The following UBE2E2 variants were observed in gnomAD, a reference collection of about 807,000 sequenced individuals.
UBE2E2 encodes the protein ubiquitin-conjugating enzyme E2 E2.
UBE2E2 carries 6 observed loss-of-function variants against 24.7 expected under a neutral mutation model. The ratio of observed to expected loss-of-function variants is 0.24; its 90% CI spans 0.13 to 0.48. The LOEUF (loss-of-function observed/expected upper bound fraction) is 0.48. Ranked by LOEUF, UBE2E2 falls within the 20% of genes least tolerant of loss-of-function variation. The probability of loss-of-function intolerance (pLI) is 0.99; values close to 1 mark genes in which losing one functional copy is unlikely to be tolerated. For missense variants in UBE2E2, 169 were observed against 245.0 expected, an observed-to-expected ratio of 0.69 and a Z score of 2.07; for synonymous variants, 104 against 83.6, an observed-to-expected ratio of 1.24 and a Z score of -1.33.
chr3:23,455,185 A>G (rs1698651701), intron 3 of UBE2E2, among the ~76,000 whole-genome samples: 1 of 152,236 alleles, frequency 6.6e-6, no homozygotes, highest in Admixed American at 6.5e-5. Flanking sequence ...AAGCAGCTTG[A>G]CTACCTGTCA....
intron 3 of UBE2E2, among the ~76,000 whole-genome samples, chr3:23,464,738 A>G (rs1311169584): frequency 1.3e-5 from 2 of 152,220 alleles, no homozygotes; most frequent in African/African-American, 4.8e-5. Flanking sequence ...GGGATAATTA[A>G]ATAACCTTTC....
intron 4 of UBE2E2, among the ~76,000 whole-genome samples, chr3:23,507,696 A>G (rs1694488653): frequency 6.6e-6 from 1 of 152,202 alleles, no homozygotes; most frequent in Non-Finnish European, 1.5e-5. Flanking sequence ...ATATCCCTGG[A>G]AGAAGGAATA....
At chr3:23,416,295 C>T (rs1207540159) in intron 3 of UBE2E2, among the ~76,000 whole-genome samples, 1 of 152,140 alleles carries the variant, frequency 6.6e-6, no homozygotes, top group African/African-American at 2.4e-5. Context: ...GATTTTATTT[C>T]TCCTTTGCTT....
At position 23,507,881 on chromosome 3, in the gene UBE2E2, C is replaced by T. The variant is rs112370216; in HGVS notation, c.360+8141C>T. Among the ~76,000 whole-genome samples the T allele has an allele frequency of 3.9e-5, 6 of 152,296 alleles. No homozygotes were observed. The East Asian group carries it at 9.6e-4, about 24-fold the overall frequency. On this transcript the variant is annotated intron_variant, in intron 4 of 5. Coordinates refer to ENST00000396703, the MANE Select transcript of UBE2E2 (RefSeq NM_152653.4). ...TCTGTTTTGCCAGGAATCCTCTTTC[C>T]GAAGACACTGGGGGCTTTTCTTCAA...
At chr3:23,217,166 C>A in intron 2 of UBE2E2, 96 bp from the exon 3 acceptor site, 1 of 1,174,556 alleles carries the variant, frequency 8.5e-7, no homozygotes, top group Non-Finnish European at 1.2e-6. Context: ...ACTAATATAC[C>A]AAAGGGAAAT....
intron 3 of UBE2E2, among the ~76,000 whole-genome samples, chr3:23,476,586 T>C (rs967249178): frequency 2.6e-5 from 4 of 152,052 alleles, no homozygotes; most frequent in Admixed American, 6.5e-5. Context: ...TCCCAGCTAT[T>C]CAAGAGGCTG....
intron 4 of UBE2E2, among the ~76,000 whole-genome samples, chr3:23,532,168 C>T (rs1695138384): frequency 6.6e-6 from 1 of 151,902 alleles, no homozygotes; most frequent in African/African-American, 2.4e-5. Context: ...GTACAAAATC[C>T]TTAAAATAAC....
At chr3:23,388,659 C>G (rs1696864082) in intron 3 of UBE2E2, among the ~76,000 whole-genome samples, 1 of 152,078 alleles carries the variant, frequency 6.6e-6, no homozygotes. Flanking sequence ...AGCTTCCATT[C>G]CATTTATTTA....
At chr3:23,254,317 G>T (rs1443248323) in intron 3 of UBE2E2, among the ~76,000 whole-genome samples, 1 of 152,198 alleles carries the variant, frequency 6.6e-6, no homozygotes, top group Non-Finnish European at 1.5e-5. Context: ...AAAGCATGGG[G>T]AAGAGGTAAT....
chr3:23,441,487 C>G (rs953116610), intron 3 of UBE2E2, among the ~76,000 whole-genome samples: 5 of 147,486 alleles, frequency 3.4e-5, no homozygotes, highest in African/African-American at 1.0e-4. Context: ...TGCAGTGAGC[C>G]GAGATCGCGC....
rs1699077932 is a variant in UBE2E2 at position 23,474,025 on chromosome 3, TAGA to T, written c.228-25580_228-25578del. Among the ~76,000 whole-genome samples, 2 of 152,080 alleles carry T rather than the reference TAGA, an allele frequency of 1.3e-5. 1 individual carries two copies. The highest frequency in any genetic ancestry group is 4.8e-5 in the African/African-American group (2 of 41,328). ...CCAGTTTACATTCCCACCAGCAGTG[TAGA>T]AGTATTCCCTTTTCACCGCATCTAT... On this transcript the variant is annotated intron_variant, in intron 3 of 5. Transcript: ENST00000396703. This position sits in a 1 kb window ranked among gnomAD's most constrained non-coding sequence, Gnocchi z 4.0.
intron 3 of UBE2E2, among the ~76,000 whole-genome samples, chr3:23,363,397 A>G (rs2125333457): frequency 6.6e-6 from 1 of 152,330 alleles, no homozygotes; most frequent in Admixed American, 6.5e-5. Context: ...TCCTCTCTAC[A>G]GGACTCATCT....
At chr3:23,355,660 T>G (rs1341429827) in intron 3 of UBE2E2, among the ~76,000 whole-genome samples, 1 of 152,202 alleles carries the variant, frequency 6.6e-6, no homozygotes, top group African/African-American at 2.4e-5. Flanking sequence ...GCTGACCAGT[T>G]TATACCTACT....
intron 3 of UBE2E2, among the ~76,000 whole-genome samples, chr3:23,333,267 A>G (rs1035461213): frequency 3.9e-5 from 6 of 152,114 alleles, no homozygotes; most frequent in African/African-American, 1.4e-4. Context: ...ATGTTTCTTA[A>G]ATTTCATACC....
At chr3:23,566,925 A>C (rs1021745341) in intron 5 of UBE2E2, among the ~76,000 whole-genome samples, 1 of 152,194 alleles carries the variant, frequency 6.6e-6, no homozygotes, top group Non-Finnish European at 1.5e-5. Context: ...TGGGAATTAG[A>C]ATCCTCAGGA....
intron 3 of UBE2E2, among the ~76,000 whole-genome samples, chr3:23,480,411 G>A (rs1346084076): frequency 6.6e-6 from 1 of 152,212 alleles, no homozygotes; most frequent in African/African-American, 2.4e-5. Context: ...GGATGCCTTG[G>A]TCTGGAGCCA....
rs377240838 is a variant in UBE2E2, at chr3:23,527,719, C to T, written c.361-4835C>T. ...CAATCATGCCTACATAATGAAGCCTCCATAAAACCCCTAAAAGCAAGGTTC... is the reference window on the plus strand; with the variant it reads ...CAATCATGCCTACATAATGAAGCCTTCATAAAACCCCTAAAAGCAAGGTTC... On this transcript the variant is annotated intron_variant, in intron 4 of 5. Coordinates refer to ENST00000396703, the MANE Select transcript of UBE2E2 (RefSeq NM_152653.4). 9.9e-4 allele frequency among the ~76,000 whole-genome samples: 151 copies of T among 152,156 alleles called. 1 individual carries two copies. The highest frequency in any genetic ancestry group is 2.0e-3 in the Admixed American group (30 of 15,284).
Position 23,203,393 on chromosome 3 carries a change from C to A in UBE2E2, c.-80C>A. On this transcript the variant is annotated 5_prime_UTR_variant, in exon 1 of 6. Coordinates refer to ENST00000396703, the MANE Select transcript of UBE2E2 (RefSeq NM_152653.4). ...CTGGGGCCTCCCCAGTCTCCCTCCC[C>A]CTCGCGCCTGGGCAGCTCTCTCCCA... is the stretch of plus-strand genomic sequence containing the variant. 2.0e-6 allele frequency: 2 copies of A among 985,686 alleles called. No individual in the cohort carries two copies. Among genetic ancestry groups the A allele is most frequent in the Non-Finnish European group, 2.4e-6 (2 of 830,234 alleles). 61.1% of individuals were successfully genotyped at this position (985,686 alleles called of 1,614,324 possible).
intron 3 of UBE2E2, among the ~76,000 whole-genome samples, chr3:23,454,220 TA>T (rs970160087): frequency 6.6e-6 from 1 of 152,216 alleles, no homozygotes; most frequent in Non-Finnish European, 1.5e-5. Flanking sequence ...ACTGATTTTT[TA>T]AATTTTAACA....
Sources: gnomAD v4.1 joint callset for allele counts (sites outside exome capture counted in the v4.1 genomes callset) on GRCh38, gnomAD v4.1.1 for gene constraint, Gnocchi (gnomAD v3.1) non-coding constraint, MANE v1.5 for transcripts, NCBI Gene and HGNC (gene_info 2026-07-23, HGNC 2026-07-21) for gene names.